The following SEC22A variants were observed in gnomAD, a reference collection of about 807,000 sequenced individuals.
The protein encoded by SEC22A is vesicle-trafficking protein SEC22a.
A neutral mutation model predicts 35.3 loss-of-function variants in SEC22A; 22 were observed. The observed-to-expected ratio is 0.62, with a 90% CI of 0.45 to 0.89. SEC22A has a LOEUF of 0.89. Ranked by LOEUF, SEC22A falls within the 40% of genes least tolerant of loss-of-function variation. The pLI is 0.00. For missense variants in SEC22A, 354 were observed against 362.5 expected (o/e 0.98, Z 0.19); for synonymous variants, 119 against 129.5 (o/e 0.92, Z 0.55).
chr3:123,217,815 C>T (rs1287566952), intron 2 of SEC22A, among the ~76,000 whole-genome samples: 1 of 152,182 alleles, frequency 6.6e-6, no homozygotes, highest in African/African-American at 2.4e-5. Context: ...GTGATAAGCA[C>T]ATCCCCAGTA....
chr3:123,224,690 C>CT (rs1164871619), intron 3 of SEC22A, among the ~76,000 whole-genome samples: 3 of 152,154 alleles, frequency 2.0e-5, no homozygotes, highest in Admixed American at 6.5e-5. Context: ...GCTTGGGAGA[C>CT]TGAGGCAGAA....
intron 2 of SEC22A, among the ~76,000 whole-genome samples, chr3:123,221,192 C>T (rs56792935): frequency 0.032 from 4,917 of 151,634 alleles, 243 homozygotes; most frequent in African/African-American, 0.11. Flanking sequence ...CTGTGTAGGC[C>T]GGGCGTGGTG....
rs188535452 is a variant in SEC22A at position 123,235,475 on chromosome 3, A to G, written c.541+10178A>G. Reference sequence around the variant, plus strand: ...TAGGGAAATACAAAGCAAAATTACAAGTAGATGCCACTTCATATGTATTAG... The same window carrying G: ...TAGGGAAATACAAAGCAAAATTACAGGTAGATGCCACTTCATATGTATTAG... On this transcript the variant is annotated intron_variant, in intron 4 of 6. Coordinates refer to ENST00000492595, the MANE Select transcript of SEC22A (RefSeq NM_012430.5). Among the ~76,000 whole-genome samples the G allele has an allele frequency of 1.6e-4, 25 of 152,350 alleles. No individual in the cohort carries two copies. The East Asian group carries it at 4.4e-3, about 27-fold the overall frequency.
At chr3:123,227,870 A>C (rs1211578368) in intron 4 of SEC22A, among the ~76,000 whole-genome samples, 3 of 151,576 alleles carry the variant, frequency 2.0e-5, no homozygotes, top group Non-Finnish European at 4.4e-5. Flanking sequence ...AATTGCTTGA[A>C]TCCAGGAGGC....
At chr3:123,238,303 ATTC>A (rs796502930) in intron 4 of SEC22A, among the ~76,000 whole-genome samples, 15 of 152,110 alleles carry the variant, frequency 9.9e-5, no homozygotes, top group African/African-American at 3.6e-4. Flanking sequence ...GGTTAAAGCA[ATTC>A]TTCTGCCTCA....
intron 2 of SEC22A, among the ~76,000 whole-genome samples, chr3:123,214,078 C>G (rs1382207708): frequency 1.3e-5 from 2 of 152,020 alleles, no homozygotes; most frequent in African/African-American, 4.8e-5. Context: ...ATCTCTAATC[C>G]AAGCTACTCA....
chr3:123,262,787 G>A (rs971076961), intron 6 of SEC22A, among the ~76,000 whole-genome samples: 1 of 152,128 alleles, frequency 6.6e-6, no homozygotes, highest in Non-Finnish European at 1.5e-5. Flanking sequence ...CGTAAGCCAA[G>A]GAGCTTCTGT....
At chr3:123,255,196 A>G (rs1316082928) in intron 5 of SEC22A, among the ~76,000 whole-genome samples, 2 of 152,230 alleles carry the variant, frequency 1.3e-5, no homozygotes, top group African/African-American at 4.8e-5. Flanking sequence ...GTCACTGTTA[A>G]TAGTTTAATG....
chr3:123,207,121 A>G (rs2108024748), intron 1 of SEC22A, among the ~76,000 whole-genome samples: 2 of 152,342 alleles, frequency 1.3e-5, no homozygotes, highest in South Asian at 4.1e-4. Context: ...ATGACACAGT[A>G]ACACCTAGAG....
chr3:123,242,315 A>AT (rs767195645), intron 4 of SEC22A, among the ~76,000 whole-genome samples: 3 of 152,014 alleles, frequency 2.0e-5, no homozygotes, highest in Non-Finnish European at 4.4e-5. Flanking sequence ...AAATGTCCCC[A>AT]TTTTTTATCA....
intron 6 of SEC22A, among the ~76,000 whole-genome samples, chr3:123,261,537 CTA>C (rs1210389153): frequency 6.6e-6 from 1 of 151,630 alleles, no homozygotes; most frequent in Non-Finnish European, 1.5e-5. Context: ...AATTTTATAA[CTA>C]TACACATGAT....
At position 123,246,013 on chromosome 3, in the gene SEC22A, A is replaced by G. The variant is rs1396963153; in HGVS notation, c.656A>G (p.Gln219Arg). 1.9e-6 allele frequency: 3 copies of G among 1,571,204 alleles called. No individual in the cohort carries two copies. Among genetic ancestry groups the G allele is most frequent in the Admixed American group, 1.7e-5 (1 of 59,470 alleles). The change falls in exon 5 of 7, where the codon CAG becomes CGG. Residue 219 changes from glutamine to arginine, a missense_variant and splice_region_variant. Transcript: ENST00000492595. ...RGFHAIESLL[Q>R]SDGDDFNYII... Reference sequence around the variant, plus strand: ...TTTCATGCTATAGAAAGTCTCCTGCAGGTACTGTGCTATTTTTGCAATTTC... The same window carrying G: ...TTTCATGCTATAGAAAGTCTCCTGCGGGTACTGTGCTATTTTTGCAATTTC...
intron 5 of SEC22A, among the ~76,000 whole-genome samples, chr3:123,250,737 G>A (rs1295797787): frequency 2.0e-5 from 3 of 152,206 alleles, no homozygotes; most frequent in African/African-American, 7.2e-5. Flanking sequence ...GTGAGAGACA[G>A]CCAGACCAGG....
chr3:123,263,757 G>C (rs1297440641), intron 6 of SEC22A, among the ~76,000 whole-genome samples: 1 of 152,152 alleles, frequency 6.6e-6, no homozygotes, highest in Non-Finnish European at 1.5e-5. Context: ...GCCCACCTCA[G>C]CCTCCCAAAG....
chr3:123,269,665 C>T (rs957106198), intron 6 of SEC22A, among the ~76,000 whole-genome samples: 4 of 128,676 alleles, frequency 3.1e-5, no homozygotes, highest in Non-Finnish European at 4.7e-5. Flanking sequence ...TGGAGTCTTG[C>T]TCTGTTGCCC....
Position 123,271,660 on chromosome 3 carries a change from T to C in SEC22A, c.862T>C (p.Phe288Leu), listed in dbSNP as rs748199932. 5.0e-6 allele frequency: 8 copies of C among 1,614,166 alleles called. 1 individual carries two copies. In the South Asian group the frequency reaches 7.7e-5, roughly 16 times the overall value. Residue 288 changes from phenylalanine to leucine, a missense_variant, in exon 7 of 7, where the codon TTT (phenylalanine) becomes CTT (leucine). Physicochemically the swap from Phe to Leu is conservative, Grantham distance 22. Coordinates refer to ENST00000492595, the MANE Select transcript of SEC22A (RefSeq NM_012430.5). ...QLFFHVTVGAFVTLQIWLRQA... is the reference protein window; with the variant it reads ...QLFFHVTVGALVTLQIWLRQA... Reference sequence around the variant, plus strand: ...TTTCTTTCATGTGACTGTGGGAGCATTTGTTACACTACAGATCTGGCTAAG... The same window carrying C: ...TTTCTTTCATGTGACTGTGGGAGCACTTGTTACACTACAGATCTGGCTAAG...
chr3:123,246,025 A>AT lies in SEC22A; in HGVS notation c.657+16dup. The AT allele has an allele frequency of 1.4e-6, 2 of 1,455,828 alleles. No homozygotes were observed. Among genetic ancestry groups the AT allele is most frequent in the South Asian group, 1.2e-5 (1 of 86,080 alleles). The allele number at this position is 1,455,828 out of a possible 1,614,324, so 90.2% of individuals were successfully genotyped here. A position where few individuals can be genotyped will look rare whatever the true frequency, so the allele number is the denominator to read the frequency against. On this transcript the variant is annotated intron_variant, in intron 5 of 6. Coordinates refer to ENST00000492595, the MANE Select transcript of SEC22A (RefSeq NM_012430.5). ...GAAAGTCTCCTGCAGGTACTGTGCT[A>AT]TTTTTGCAATTTCAGGTGACTGTGC...
intron 6 of SEC22A, among the ~76,000 whole-genome samples, chr3:123,263,267 A>T (rs1054279767): frequency 2.6e-5 from 4 of 152,234 alleles, no homozygotes; most frequent in Non-Finnish European, 1.5e-5. Context: ...GGAAGTCCAG[A>T]TGCTGGCACA....
intron 2 of SEC22A, among the ~76,000 whole-genome samples, chr3:123,213,676 C>T (rs963415294): frequency 6.6e-6 from 1 of 152,130 alleles, no homozygotes; most frequent in Non-Finnish European, 1.5e-5. Flanking sequence ...ATTGATCTGC[C>T]ATGGCTTATA....
Sources: gnomAD v4.1 joint callset for allele counts (sites outside exome capture counted in the v4.1 genomes callset) on GRCh38, gnomAD v4.1.1 for gene constraint, MANE v1.5 for transcripts, NCBI Gene and HGNC (gene_info 2026-07-23, HGNC 2026-07-21) for gene names.